Variants in SYT11 observed in about 807,000 individuals in gnomAD.
SYT11 encodes synaptotagmin-11.
A neutral mutation model predicts 30.4 loss-of-function variants in SYT11; 12 were observed. The observed-to-expected ratio is 0.39, with a 90% confidence interval of 0.25 to 0.64. The LOEUF (loss-of-function observed/expected upper bound fraction) is 0.64, where lower values mean the gene tolerates loss of function less well. SYT11 is among the 30% of genes least tolerant of loss of function. The pLI is 0.45. For synonymous variants in SYT11, 204 were observed against 216.0 expected (o/e 0.94, Z 0.49); for missense variants, 412 against 552.0 (o/e 0.75, Z 2.54).
At chr1:155,863,656 C>T (rs1323970503) in intron 1 of SYT11, among the ~76,000 whole-genome samples, 2 of 152,032 alleles carry the variant, frequency 1.3e-5, no homozygotes, top group Non-Finnish European at 2.9e-5. Context: ...CATGGTGGCT[C>T]ATGCCTGTAA....
At chr1:155,864,369 C>T (rs989729389) in intron 1 of SYT11, among the ~76,000 whole-genome samples, 2 of 152,140 alleles carry the variant, frequency 1.3e-5, no homozygotes, top group Non-Finnish European at 2.9e-5. Flanking sequence ...TATATTATGA[C>T]CAGTGCAGAT....
At chr1:155,871,806 G>A (rs182147799) in intron 2 of SYT11, among the ~76,000 whole-genome samples, 15 of 152,084 alleles carry the variant, frequency 9.9e-5, no homozygotes, top group East Asian at 5.8e-4. Flanking sequence ...ACCAGTGCCC[G>A]TAGGCAGGAC....
In SYT11 at chr1:155,882,006, G is replaced by A. The variant is rs867219312; in HGVS notation, c.*498G>A. Reference sequence around the variant, plus strand: ...GGCCTCCCAAAGTGCTGGGATTACAGGTGCGAGCCACCGTGCCCGGCCTCT... The same window carrying A: ...GGCCTCCCAAAGTGCTGGGATTACAAGTGCGAGCCACCGTGCCCGGCCTCT... On this transcript the variant is annotated 3_prime_UTR_variant, in exon 4 of 4. Transcript: ENST00000368324. The A allele has an allele frequency of 6.6e-6, 1 of 151,554 alleles. No homozygotes were observed. Among genetic ancestry groups the A allele is most frequent in the South Asian group, 2.1e-4 (1 of 4,788 alleles). The allele number at this position is 151,554 out of a possible 1,614,324, so 9.4% of individuals were successfully genotyped here.
intron 2 of SYT11, among the ~76,000 whole-genome samples, chr1:155,878,728 G>C (rs554276925): frequency 6.6e-6 from 1 of 151,814 alleles, no homozygotes; most frequent in African/African-American, 2.4e-5. Flanking sequence ...TTAGCCGGGC[G>C]TGGTGGCGGG....
rs139850465 is a variant in SYT11, at chr1:155,867,975, G to A, written c.45G>A (p.Pro15=). The change falls in exon 2 of 4, where the codon CCG becomes CCA. Residue 15 remains proline (P), a synonymous_variant. Coordinates refer to ENST00000368324, the MANE Select transcript of SYT11 (RefSeq NM_152280.5). ...TNIRPSFDVS[P]VVAGLIGASV... is the part of the protein sequence containing the mutation. ...GATCTCCGCCTTCAGATGTGTCACC[G>A]GTGGTGGCCGGCCTCATCGGGGCCT... The A allele has an allele frequency of 1.4e-3, 2,212 of 1,608,686 alleles. 4 individuals are homozygous for A. The highest frequency in any genetic ancestry group is 2.9e-3 in the Admixed American group (172 of 59,180).
At chr1:155,870,143 G>C (rs773326011) in intron 2 of SYT11, among the ~76,000 whole-genome samples, 17 of 152,170 alleles carry the variant, frequency 1.1e-4, no homozygotes, top group Non-Finnish European at 2.1e-4. Flanking sequence ...GAAAGAAGTT[G>C]TTGAAATTTT....
intron 2 of SYT11, among the ~76,000 whole-genome samples, chr1:155,879,016 C>T (rs568380647): frequency 6.6e-6 from 1 of 152,296 alleles, no homozygotes; most frequent in Admixed American, 6.5e-5. Context: ...ATTTACTTCT[C>T]TGACTCTTCT....
chr1:155,873,465 T>G (rs7528441), intron 2 of SYT11, among the ~76,000 whole-genome samples: 43,204 of 152,084 alleles, frequency 0.28, 6,874 homozygotes, highest in East Asian at 0.75. Flanking sequence ...CCCCCACCTA[T>G]CCTTCCTCTG....
intron 1 of SYT11, among the ~76,000 whole-genome samples, chr1:155,865,174 G>A (rs1183071767): frequency 6.6e-6 from 1 of 152,128 alleles, no homozygotes; most frequent in African/African-American, 2.4e-5. Context: ...ATCAAAGAAA[G>A]ATAATAAATA....
At chr1:155,876,235 CTTTTTTTTTTTTTT>C (rs67952920) in intron 2 of SYT11, among the ~76,000 whole-genome samples, 1 of 96,118 alleles carries the variant, frequency 1.0e-5, no homozygotes, top group Non-Finnish European at 1.9e-5. Context: ...ACTCACCTCC[CTTTTTTTTTTTTTT>C]TTTTTTTTTC....
intron 2 of SYT11, among the ~76,000 whole-genome samples, chr1:155,876,316 G>A (rs1302852392): frequency 7.3e-6 from 1 of 136,880 alleles, no homozygotes; most frequent in Admixed American, 8.4e-5. Flanking sequence ...CGCGATCTCG[G>A]CTCAATGCAA....
Position 155,871,102 on chromosome 1 carries a change from C to T in SYT11, c.861+2311C>T, listed in dbSNP as rs372694012. Among the ~76,000 whole-genome samples, 29 of 152,256 alleles carry T rather than the reference C, an allele frequency of 1.9e-4. 1 individual carries two copies. In the South Asian group the frequency reaches 4.8e-3, roughly 25 times the overall value. ...AACTTGGTGAACGTCAGAGCATAAACAAGACACTGCCACAACATCTTGTGG... is the reference window on the plus strand; with the variant it reads ...AACTTGGTGAACGTCAGAGCATAAATAAGACACTGCCACAACATCTTGTGG... On this transcript the variant is annotated intron_variant, in intron 2 of 3. Transcript: ENST00000368324.
chr1:155,875,249 C>CAAA (rs765396768), intron 2 of SYT11, among the ~76,000 whole-genome samples: 12 of 88,310 alleles, frequency 1.4e-4, no homozygotes, highest in South Asian at 8.1e-4. Flanking sequence ...GACTTCATCT[C>CAAA]AAAAAAAAAA....
At chr1:155,865,938 TA>T (rs1483976528) in intron 1 of SYT11, among the ~76,000 whole-genome samples, 2 of 151,978 alleles carry the variant, frequency 1.3e-5, no homozygotes, top group African/African-American at 4.8e-5. Context: ...AGTGGTCCCC[TA>T]AAAAGTAAAG....
intron 2 of SYT11, among the ~76,000 whole-genome samples, chr1:155,872,546 G>A (rs1282389380): frequency 6.6e-6 from 1 of 152,200 alleles, no homozygotes; most frequent in African/African-American, 2.4e-5. Flanking sequence ...TGCCCTCAGA[G>A]AGCCGAGCCC....
chr1:155,864,708 CTTTT>C (rs773089384), intron 1 of SYT11, among the ~76,000 whole-genome samples: 3 of 128,268 alleles, frequency 2.3e-5, no homozygotes, highest in Non-Finnish European at 3.3e-5. Flanking sequence ...TGACTCAATC[CTTTT>C]TTTTTTTTTT....
rs776079357 is a variant in SYT11, at chr1:155,859,790, G to A, written c.29G>A (p.Ser10Asn). The A allele has an allele frequency of 1.9e-6, 3 of 1,614,176 alleles. No homozygotes were observed. Among genetic ancestry groups the A allele is most frequent in the Non-Finnish European group, 2.5e-6 (3 of 1,179,980 alleles). Residue 10 changes from serine to asparagine, a missense_variant, in exon 1 of 4, where the codon AGC becomes AAC. Coordinates refer to ENST00000368324, the MANE Select transcript of SYT11 (RefSeq NM_152280.5). Reference protein sequence around the residue: MAEITNIRPSFDVSPVVAGL... With the variant: MAEITNIRPNFDVSPVVAGL... ...GCTGAGATCACCAATATCCGACCTA[G>A]CTTTGGTAAGTAGACTCGGGAAAAC...
In SYT11 at chr1:155,884,801, C is replaced by G. The variant is rs1673042006; in HGVS notation, c.*3293C>G. The G allele has an allele frequency of 6.6e-6, 1 of 152,658 alleles. No homozygotes were observed. The highest frequency in any genetic ancestry group is 2.1e-4 in the South Asian group (1 of 4,824). The allele number at this position is 152,658 out of a possible 1,614,324, so 9.5% of individuals were successfully genotyped here. A position where few individuals can be genotyped will look rare whatever the true frequency, so the allele number is the denominator to read the frequency against. On this transcript the variant is annotated 3_prime_UTR_variant, in exon 4 of 4. Transcript: ENST00000368324. Reference sequence around the variant, plus strand: ...TTCAGTTCATCTCACTGGAGCACAGCCAAGATGGACATGTTTATGGACAGT... The same window carrying G: ...TTCAGTTCATCTCACTGGAGCACAGGCAAGATGGACATGTTTATGGACAGT...
At chr1:155,878,699 A>G (rs1672909862) in intron 2 of SYT11, among the ~76,000 whole-genome samples, 1 of 151,712 alleles carries the variant, frequency 6.6e-6, no homozygotes, top group Non-Finnish European at 1.5e-5. Flanking sequence ...CCCCGTCTCT[A>G]CTAAAAATAC....
Sources: allele counts gnomAD v4.1 joint callset (sites outside exome capture counted in the v4.1 genomes callset), GRCh38; gene constraint gnomAD v4.1.1; transcripts MANE v1.5; gene names NCBI Gene and HGNC (gene_info 2026-07-23, HGNC 2026-07-21).